Variants in EPG5 observed in about 807,000 individuals in gnomAD.
EPG5 encodes the protein ectopic P-granules 5 autophagy tethering factor.
EPG5 carries 159 observed loss-of-function variants against 302.7 expected under a neutral mutation model. That is an observed-to-expected ratio of 0.53 (90% CI 0.46 to 0.60). The LOEUF is 0.60. Among genes scored for constraint, EPG5 ranks in the 20% least tolerant of loss-of-function variants. The pLI, the probability that EPG5 is intolerant of heterozygous loss-of-function variation, is 0.00. For missense variants in EPG5, 2,896 were observed against 3,092.4 expected (o/e 0.94, Z 1.51); for synonymous variants, 1,158 against 1,136.8 (o/e 1.02, Z -0.37).
In EPG5 at chr18:45,942,359, T is replaced by A. The variant is rs182697446; in HGVS notation, c.1943+802A>T. On this transcript the variant is annotated intron_variant, in intron 9 of 43. Coordinates refer to ENST00000282041, the MANE Select transcript of EPG5 (RefSeq NM_020964.3). Reference sequence around the variant, plus strand: ...GGCTCACACCTGTAATCCCAGCACTTTGGGAAGCCGAGGCAGATGGATCAC... The same window carrying A: ...GGCTCACACCTGTAATCCCAGCACTATGGGAAGCCGAGGCAGATGGATCAC... 2.5e-3 allele frequency among the ~76,000 whole-genome samples: 379 copies of A among 152,274 alleles called. 2 individuals carry two copies. Among genetic ancestry groups the A allele is most frequent in the African/African-American group, 8.8e-3 (364 of 41,548 alleles).
intron 16 of EPG5, 21 bp downstream of exon 16, chr18:45,922,303 AGGTTCAGTAACCCTAGT>A (rs775933146): frequency 6.3e-7 from 1 of 1,598,628 alleles, no homozygotes; most frequent in Non-Finnish European, 8.5e-7. Context: ...ACTATCTGCA[AGGTTCAGTAACCCTAGT>A]GGTTCAGCCC....
chr18:45,967,211 C>T lies in EPG5; in HGVS notation c.29G>A (p.Arg10Gln), dbSNP rs766375417. Residue 10 changes from arginine (R) to glutamine (Q), a missense_variant, in exon 1 of 44, where the codon CGG (arginine) becomes CAG (glutamine). Physicochemically the swap from Arg to Gln is conservative, Grantham distance 43 (BLOSUM62 1). Transcript: ENST00000282041. Reference sequence around the variant, plus strand: ...AGTCCGGCTGGCCTTGGCCTTGGCCCGGCGCTGGGGCTTCACCGCCTCGGC... The same window carrying T: ...AGTCCGGCTGGCCTTGGCCTTGGCCTGGCGCTGGGGCTTCACCGCCTCGGC... Reference protein sequence around the residue: MAEAVKPQRRAKAKASRTKT... With the variant: MAEAVKPQRQAKAKASRTKT... The T allele has an allele frequency of 1.9e-6, 3 of 1,605,684 alleles. No individual in the cohort carries two copies. The highest frequency in any genetic ancestry group is 2.2e-5 in the East Asian group (1 of 44,516).
Position 45,893,117 on chromosome 18 carries a change from G to A in EPG5, c.4810-3177C>T, listed in dbSNP as rs540278015. Among the ~76,000 whole-genome samples, 6 of 152,212 alleles carry A rather than the reference G, an allele frequency of 3.9e-5. No individual in the cohort carries two copies. In the East Asian group the frequency reaches 5.8e-4, roughly 15 times the overall value. ...GCAGCTGAAACAGCTGAAGCAAAAC[G>A]ACCTGGCAATATTGAATGGGAAAAG... On this transcript the variant is annotated intron_variant, in intron 27 of 43. Coordinates refer to ENST00000282041, the MANE Select transcript of EPG5 (RefSeq NM_020964.3).
intron 27 of EPG5, 81 bp from the exon 28 acceptor site, chr18:45,890,021 ATT>A (rs2049307005): frequency 8.0e-7 from 1 of 1,255,598 alleles, no homozygotes; most frequent in Non-Finnish European, 1.1e-6. Flanking sequence ...AAATAAAATT[ATT>A]GTCTTATAAA....
the EPG5 span, among the ~76,000 whole-genome samples, chr18:45,821,565 G>A: frequency 6.6e-6 from 1 of 152,118 alleles, no homozygotes; most frequent in African/African-American, 2.4e-5. Context: ...TGATGAGTAA[G>A]ACCTCAAAAA....
chr18:45,925,709 A>G (rs776737611), intron 14 of EPG5, 29 bp downstream of exon 14: 1 of 1,427,162 alleles, frequency 7.0e-7, no homozygotes, highest in Non-Finnish European at 9.2e-7. Context: ...TACAACCTCC[A>G]GTCTCCAGGG....
chr18:45,890,016 A>C (rs2049306827), intron 27 of EPG5, 76 bp from the exon 28 acceptor site: 1 of 1,295,612 alleles, frequency 7.7e-7, no homozygotes, highest in Non-Finnish European at 1.0e-6. Context: ...AACTGAAATA[A>C]AATTATTGTC....
Position 45,850,889 on chromosome 18 carries a change from T to C in EPG5, c.*1578A>G, listed in dbSNP as rs2048414630. The C allele has an allele frequency of 6.6e-6, 1 of 152,620 alleles. No homozygotes were observed. Among genetic ancestry groups the C allele is most frequent in the African/African-American group, 2.4e-5 (1 of 41,470 alleles). The allele number at this position is 152,620 out of a possible 1,614,324, so 9.5% of individuals were successfully genotyped here. A position where few individuals can be genotyped will look rare whatever the true frequency, so the allele number is the denominator to read the frequency against. On this transcript the variant is annotated 3_prime_UTR_variant, in exon 44 of 44. Coordinates refer to ENST00000282041, the MANE Select transcript of EPG5 (RefSeq NM_020964.3). ...AAATTTTCTTATACAGAGAACAAGA[T>C]GATTAATTTTGAAAACGGAGAGAAG...
At chr18:45,903,822 C>T (rs902454585) in intron 25 of EPG5, 151 bp downstream of exon 25, 21 of 729,314 alleles carry the variant, frequency 2.9e-5, no homozygotes, top group Non-Finnish European at 4.2e-5. Flanking sequence ...TTGCAATTTA[C>T]ACCATTGTGT....
chr18:45,916,404 C>T (rs1555674614), intron 18 of EPG5, 34 bp downstream of exon 18: 6 of 1,594,230 alleles, frequency 3.8e-6, no homozygotes, highest in East Asian at 2.3e-5. Context: ...GGAAGACAGG[C>T]GGGAGTGTGC....
chr18:45,825,794 A>G, the EPG5 span: 1 of 1,613,904 alleles, frequency 6.2e-7, no homozygotes, highest in Non-Finnish European at 8.5e-7. Flanking sequence ...AGTGTCTGCT[A>G]CTCTCTCTGG....
rs1568103098 is a variant in EPG5, at chr18:45,866,841, A to T, written c.6578T>A (p.Val2193Glu). Residue 2193 changes from valine (V) to glutamate (E), a missense_variant, in exon 38 of 44, where the codon GTG (valine) becomes GAG (glutamate). This residue lies in a region of EPG5 where 620 missense variants were observed against 704.2 expected (regional missense o/e 0.88). Transcript: ENST00000282041. ...YAELIMKLLK[V>E]SAGLSIPTDS... is the part of the protein sequence containing the mutation. The stretch of plus-strand genomic sequence containing the variant: ...AGTAGGAATAGAAAGGCCCGCAGAC[A>T]CTTTTAGGAGCTTCATGATTAATTC... The T allele has an allele frequency of 1.2e-6, 2 of 1,614,192 alleles. No individual in the cohort carries two copies. The highest frequency in any genetic ancestry group is 2.2e-5 in the South Asian group (2 of 91,080).
At chr18:45,922,300 G>A (rs1052762382) in intron 16 of EPG5, 41 bp downstream of exon 16, 3 of 1,597,568 alleles carry the variant, frequency 1.9e-6, no homozygotes, top group African/African-American at 2.7e-5. Context: ...AGAACTATCT[G>A]CAAGGTTCAG....
chr18:45,814,272 A>T, the EPG5 span, among the ~76,000 whole-genome samples: 1 of 152,214 alleles, frequency 6.6e-6, no homozygotes, highest in Non-Finnish European at 1.5e-5. Context: ...GGACGAGACA[A>T]ACCCAGTTGA....
chr18:45,837,539 C>A, the EPG5 span: 3 of 1,517,560 alleles, frequency 2.0e-6, no homozygotes, highest in South Asian at 3.6e-5. Flanking sequence ...CTGGTCCATG[C>A]AGGTGCCACC....
intron 8 of EPG5, 25 bp downstream of exon 8, chr18:45,943,980 T>G (rs2050732145): frequency 6.8e-7 from 1 of 1,474,150 alleles, no homozygotes; most frequent in Non-Finnish European, 9.5e-7. Context: ...CTACCACATT[T>G]TACACTTAAG....
At position 45,858,158 on chromosome 18, in the gene EPG5, GGAGA is replaced by G. The variant is rs1316460328; in HGVS notation, c.7227-94_7227-91del. The G allele has an allele frequency of 1.4e-5, 13 of 958,062 alleles. No individual in the cohort carries two copies. In the East Asian group the frequency reaches 3.4e-4, roughly 25 times the overall value. 59.3% of individuals were successfully genotyped at this position (958,062 alleles called of 1,614,324 possible). A position where few individuals can be genotyped will look rare whatever the true frequency, so the allele number is the denominator to read the frequency against. On this transcript the variant is annotated intron_variant, in intron 41 of 43. Transcript: ENST00000282041. ...AGTCCACATCAGAGTTTGAAGGATA[GGAGA>G]CATTCAGTACTTCAAAAGCACAGGC...
rs532158609 is a variant in EPG5 at position 45,893,843 on chromosome 18, A to G, written c.4810-3903T>C. 1.8e-4 allele frequency among the ~76,000 whole-genome samples: 28 copies of G among 152,346 alleles called. 1 individual carries two copies. The South Asian group carries it at 4.6e-3, about 25-fold the overall frequency. On this transcript the variant is annotated intron_variant, in intron 27 of 43. Coordinates refer to ENST00000282041, the MANE Select transcript of EPG5 (RefSeq NM_020964.3). ...TCAAGGAATGAACTGTTAATTTTTAATAAGAAAAAGTTCCAATTTCCATGA... is the reference window on the plus strand; with the variant it reads ...TCAAGGAATGAACTGTTAATTTTTAGTAAGAAAAAGTTCCAATTTCCATGA...
intron 27 of EPG5, among the ~76,000 whole-genome samples, chr18:45,892,551 T>C (rs1017865237): frequency 1.1e-4 from 17 of 152,200 alleles, no homozygotes; most frequent in African/African-American, 4.1e-4. Context: ...TTTCACATGA[T>C]AATAAATCAA....
Sources: gnomAD v4.1 joint callset for allele counts (sites outside exome capture counted in the v4.1 genomes callset) on GRCh38, gnomAD v4.1.1 for gene constraint, gnomAD v4.1.1 regional missense constraint, MANE v1.5 for transcripts, NCBI Gene and HGNC (gene_info 2026-07-23, HGNC 2026-07-21) for gene names.